Variants in NOX1 observed in about 807,000 individuals in gnomAD.
The protein encoded by NOX1 is NADPH oxidase 1, also known as NADH/NADPH mitogenic oxidase subunit P65-MOX.
NOX1 carries 34 observed loss-of-function variants against 42.5 expected under a neutral mutation model. The ratio of observed to expected loss-of-function variants is 0.80; its 90% CI spans 0.61 to 1.07. The LOEUF is 1.07. Among genes scored for constraint, NOX1 ranks in the 50% least tolerant of loss-of-function variants. The pLI, the probability that NOX1 is intolerant of heterozygous loss-of-function variation, is 0.00. For missense variants in NOX1, 408 were observed against 427.0 expected (o/e 0.96, Z 0.39); for synonymous variants, 143 against 152.5 (o/e 0.94, Z 0.46).
At chrX:100,849,011 G>A (rs935860808) in intron 11 of NOX1, among the ~76,000 whole-genome samples, 1 of 111,465 alleles carries the variant, frequency 9.0e-6, no homozygotes, top group Non-Finnish European at 1.9e-5. Flanking sequence ...AGGAGGCAGA[G>A]GTTGTGGTGA....
rs1236629170 is a variant in NOX1 at position 100,843,999 on chromosome X, G to C, written c.1648C>G (p.Leu550Val). Residue 550 changes from leucine to valine, a missense_variant, in exon 13 of 13, where the codon CTG becomes GTG. By Grantham distance (32) the Leu-to-Val change is conservative. Coordinates refer to ENST00000372966, the MANE Select transcript of NOX1 (RefSeq NM_007052.5). ...TAGAATTGAACCTTTCTAGGATCCA[G>C]ACTGGAATATCGGTGACAGCATTTG... ...LRKCCHRYSS[L>V]DPRKVQFYFN... is the part of the protein sequence containing the mutation. 3.3e-6 allele frequency: 4 copies of C among 1,206,104 alleles called. No individual in the cohort carries two copies. Among genetic ancestry groups the C allele is most frequent in the Non-Finnish European group, 4.5e-6 (4 of 890,677 alleles).
At chrX:100,857,754 A>AAT (rs1417831203) in intron 7 of NOX1, among the ~76,000 whole-genome samples, 1 of 102,352 alleles carries the variant, frequency 9.8e-6, no homozygotes, top group Non-Finnish European at 2.0e-5. Context: ...GTTATGGGAT[A>AAT]ATTTGTGTTT....
Position 100,862,463 on chromosome X carries a change from A to G in NOX1, c.600T>C (p.Tyr200=). ...GGTGAGTATACCAGAAGACTTCAAA[A>G]TAACTCCTCCGGATGAACTCAGTAG... ...TSATEFIRRS[Y]FEVFWYTHHL... is the part of the protein sequence containing the mutation. Residue 200 remains tyrosine, a synonymous_variant, in exon 6 of 13, where the codon TAT becomes TAC. Coordinates refer to ENST00000372966, the MANE Select transcript of NOX1 (RefSeq NM_007052.5). 8.3e-7 allele frequency: 1 copy of G among 1,210,140 alleles called. No homozygotes were observed. The highest frequency in any genetic ancestry group is 1.1e-6 in the Non-Finnish European group (1 of 893,990).
At chrX:100,860,135 G>A (rs1447862490) in intron 7 of NOX1, among the ~76,000 whole-genome samples, 1 of 111,000 alleles carries the variant, frequency 9.0e-6, no homozygotes, top group Admixed American at 9.7e-5. Context: ...TTAGAGACTG[G>A]TCCCTATTAG....
At chrX:100,863,363 T>C in intron 3 of NOX1, 120 bp from the exon 4 acceptor site, 1 of 952,589 alleles carries the variant, frequency 1.0e-6, no homozygotes, top group Middle Eastern at 3.2e-4. Context: ...ACCCACCCCC[T>C]TAGCTACCAA....
intron 7 of NOX1, chrX:100,855,141 A>C (rs1204241227): frequency 2.8e-6 from 1 of 358,884 alleles, no homozygotes; most frequent in Non-Finnish European, 5.0e-6. Context: ...TTTGCCCATA[A>C]ACATGAGTAT....
At chrX:100,868,878 T>C (rs1466788578) in intron 2 of NOX1, among the ~76,000 whole-genome samples, 1 of 111,419 alleles carries the variant, frequency 9.0e-6, no homozygotes, top group African/African-American at 3.3e-5. Context: ...TTTCTACATA[T>C]GGCTAGCCAG....
intron 1 of NOX1, among the ~76,000 whole-genome samples, chrX:100,871,459 G>C: frequency 8.9e-6 from 1 of 112,562 alleles, no homozygotes; most frequent in Non-Finnish European, 1.9e-5. Context: ...ATACCTAACT[G>C]AAAAGAACTA....
chrX:100,873,296 G>A (rs1489596722), intron 1 of NOX1, among the ~76,000 whole-genome samples: 2 of 111,571 alleles, frequency 1.8e-5, no homozygotes, highest in East Asian at 2.8e-4. Context: ...TGGCCTGAAC[G>A]TCATTGGGGA....
intron 7 of NOX1, among the ~76,000 whole-genome samples, chrX:100,860,891 A>T (rs1192917615): frequency 1.8e-5 from 2 of 110,520 alleles, no homozygotes; most frequent in Non-Finnish European, 1.9e-5. Context: ...CCTCCACACC[A>T]CCATGCCCAA....
Position 100,862,584 on chromosome X carries a change from A to C in NOX1, c.490-11T>G, listed in dbSNP as rs776023062. The C allele has an allele frequency of 8.3e-7, 1 of 1,203,992 alleles. No individual in the cohort carries two copies. Among genetic ancestry groups the C allele is most frequent in the African/African-American group, 1.7e-5 (1 of 57,720 alleles). ...CACATACTCCACTGTCTGTGAAAGG[A>C]GAAATGTCAGCCTGACACAATGTCC... is the stretch of plus-strand genomic sequence containing the variant. On this transcript the variant is annotated splice_polypyrimidine_tract_variant and intron_variant, in intron 5 of 12. Transcript: ENST00000372966.
intron 7 of NOX1, among the ~76,000 whole-genome samples, chrX:100,853,298 C>G (rs1405121523): frequency 1.5e-5 from 1 of 66,763 alleles, no homozygotes; most frequent in African/African-American, 6.5e-5. Flanking sequence ...TTCTTTCTTT[C>G]TTTCTTTCTT....
In NOX1 at chrX:100,848,630, T is replaced by C. The variant is rs376041993; in HGVS notation, c.1568A>G (p.Lys523Arg). 8.3e-7 allele frequency: 1 copy of C among 1,207,298 alleles called. No individual in the cohort carries two copies. The highest frequency in any genetic ancestry group is 1.1e-6 in the Non-Finnish European group (1 of 893,405). Reference sequence around the variant, plus strand: ...TCTTACTAGAGGAAAATATACTTACTTGGGGTGGGAGGTAGCTATTGTAGA... The same window carrying C: ...TCTTACTAGAGGAAAATATACTTACCTGGGGTGGGAGGTAGCTATTGTAGA... Reference protein sequence around the residue: ...EFSTIATSHPKSVVGVFLCGP... With the variant: ...EFSTIATSHPRSVVGVFLCGP... The change falls in exon 12 of 13, where the codon AAG becomes AGG. Residue 523 changes from lysine to arginine, a missense_variant and splice_region_variant. Transcript: ENST00000372966.
At chrX:100,848,180 G>C (rs2085086734) in intron 12 of NOX1, among the ~76,000 whole-genome samples, 1 of 111,363 alleles carries the variant, frequency 9.0e-6, no homozygotes, top group African/African-American at 3.3e-5. Context: ...AATTTCCTCG[G>C]TCTTCACCAA....
At position 100,862,218 on chromosome X, in the gene NOX1, G is replaced by C. The variant is rs750992436; in HGVS notation, c.757C>G (p.Arg253Gly). 8.3e-7 allele frequency: 1 copy of C among 1,211,488 alleles called. No individual in the cohort carries two copies. Among genetic ancestry groups the C allele is most frequent in the African/African-American group, 1.7e-5 (1 of 57,832 alleles). ...TTAGGGCGCCTACAGTGGGAGTCAC[G>C]ATCATCCCACATCTCAAAAGACTCT... is the stretch of plus-strand genomic sequence containing the variant. ...CAESFEMWDD[R>G]DSHCRRPKFE... The change falls in exon 7 of 13, where the codon CGT becomes GGT. Residue 253 changes from arginine to glycine, a missense_variant. Transcript: ENST00000372966.
Position 100,850,174 on chromosome X carries a change from T to G in NOX1, c.1110A>C (p.Glu370Asp). 1 of 1,210,413 alleles carries G rather than the reference T, an allele frequency of 8.3e-7. No homozygotes were observed. The change falls in exon 9 of 13, where the codon GAA (glutamate) becomes GAC (aspartate). Residue 370 changes from glutamate (E) to aspartate (D), a missense_variant. Glu to Asp is a conservative substitution (Grantham distance 45, BLOSUM62 2). Coordinates refer to ENST00000372966, the MANE Select transcript of NOX1 (RefSeq NM_007052.5). The part of the protein sequence containing the change: ...DWTENLIRAF[E>D]QQYSPIPRIE... ...ACCTGGGAATTGGTGAATATTGTTG[T>G]TCGAAAGCCCTTATGAGATTTTCTG... is the stretch of plus-strand genomic sequence containing the variant.
chrX:100,862,276 C>G lies in NOX1; in HGVS notation c.699G>C (p.Glu233Asp). ...IGGIVRGQTE[E>D]SMNESHPRKC... The stretch of plus-strand genomic sequence containing the variant: ...TGCGAGGATGACTCTCATTCATGCT[C>G]TCCTCTGTTTGACCCCGGACAATTC... The change falls in exon 7 of 13, where the codon GAG (glutamate) becomes GAC (aspartate). Residue 233 changes from glutamate to aspartate, a missense_variant. Physicochemically the swap from Glu to Asp is conservative, Grantham distance 45. Transcript: ENST00000372966. 2 of 1,211,199 alleles carry G rather than the reference C, an allele frequency of 1.7e-6. No individual in the cohort carries two copies. The highest frequency in any genetic ancestry group is 1.8e-5 in the South Asian group (1 of 56,947).
intron 1 of NOX1, 106 bp downstream of exon 1, chrX:100,873,989 T>A (rs981359890): frequency 1.2e-5 from 7 of 586,864 alleles, no homozygotes; most frequent in Non-Finnish European, 1.9e-5. Context: ...ATGAGCCCAA[T>A]AATCGGCATG....
intron 2 of NOX1, among the ~76,000 whole-genome samples, chrX:100,870,155 A>G (rs1417506773): frequency 2.8e-5 from 3 of 107,995 alleles, no homozygotes; most frequent in African/African-American, 1.0e-4. Context: ...AGGCTTTGGT[A>G]TCAGAATGAT....
Sources: allele counts gnomAD v4.1 joint callset (sites outside exome capture counted in the v4.1 genomes callset), GRCh38; gene constraint gnomAD v4.1.1; transcripts MANE v1.5; gene names NCBI Gene and HGNC (gene_info 2026-07-23, HGNC 2026-07-21).